TTYH3: variants seen among roughly 807,000 people sequenced by gnomAD.
TTYH3 encodes the protein tweety family member 3, also known as protein tweety homolog 3.
A neutral mutation model predicts 68.2 loss-of-function variants in TTYH3; 23 were observed. The observed-to-expected ratio is 0.34, with a 90% CI of 0.24 to 0.48. TTYH3 has a LOEUF of 0.48. Ranked by LOEUF, TTYH3 falls within the 20% of genes least tolerant of loss-of-function variation. The probability of loss-of-function intolerance (pLI) is 0.99; values close to 1 mark genes in which losing one functional copy is unlikely to be tolerated. For missense variants in TTYH3, 768 were observed against 727.7 expected, an observed-to-expected ratio of 1.06 and a Z score of -0.64; for synonymous variants, 360 against 332.8, an observed-to-expected ratio of 1.08 and a Z score of -0.89.
At position 2,649,612 on chromosome 7, in the gene TTYH3, G is replaced by T. The variant is rs140439727; in HGVS notation, c.768G>T (p.Ala256=). ...TGGCCCTGGTCATCAGCTGGGGCGC[G>T]CTGGGCTTGGAGCTGGCTGTGTCCG... is the stretch of plus-strand genomic sequence containing the variant. ...GVLALVISWG[A]LGLELAVSVG... Residue 256 remains alanine (A), a synonymous_variant, in exon 6 of 14, where the codon GCG becomes GCT. Transcript: ENST00000258796. 1.3e-6 allele frequency: 2 copies of T among 1,598,750 alleles called. No homozygotes were observed. The highest frequency in any genetic ancestry group is 1.3e-5 in the African/African-American group (1 of 74,834).
Position 2,649,430 on chromosome 7 carries a change from G to T in TTYH3, c.723-137G>T, listed in dbSNP as rs544398948. ...CTGTGGGCAGCTCTGGCTGAGGCCA[G>T]GCCACAGGAAGAGCCCCAGCCCATG... On this transcript the variant is annotated intron_variant, in intron 5 of 13. Coordinates refer to ENST00000258796, the MANE Select transcript of TTYH3 (RefSeq NM_025250.3). The T allele has an allele frequency of 3.0e-4, 250 of 835,848 alleles. 1 individual carries two copies. In the East Asian group the frequency reaches 6.5e-3, roughly 22 times the overall value. 51.8% of individuals were successfully genotyped at this position (835,848 alleles called of 1,614,324 possible).
intron 7 of TTYH3, among the ~76,000 whole-genome samples, chr7:2,651,312 C>T (rs558504927): frequency 6.6e-6 from 1 of 152,146 alleles, no homozygotes; most frequent in African/African-American, 2.4e-5. Flanking sequence ...TGGTTTTTTA[C>T]CTGCCTTTGT....
chr7:2,650,466 T>C (rs140672250), intron 7 of TTYH3, among the ~76,000 whole-genome samples: 60 of 152,100 alleles, frequency 3.9e-4, no homozygotes, highest in Non-Finnish European at 7.1e-4. Flanking sequence ...TAATCCCAGC[T>C]ACTCCGGAGA....
intron 1 of TTYH3, among the ~76,000 whole-genome samples, chr7:2,643,357 A>C (rs1468685196): frequency 0.03 from 4,521 of 150,636 alleles, 205 homozygotes; most frequent in African/African-American, 0.1. Flanking sequence ...TCTGTCTCAA[A>C]AAAAAAAAAA....
intron 1 of TTYH3, among the ~76,000 whole-genome samples, chr7:2,635,567 C>G (rs924999216): frequency 6.6e-6 from 1 of 152,158 alleles, no homozygotes; most frequent in East Asian, 1.9e-4. Context: ...CGGTGGGAGC[C>G]CAGTGGTCAG....
At chr7:2,654,971 A>T (rs895921541) in intron 9 of TTYH3, among the ~76,000 whole-genome samples, 11 of 151,950 alleles carry the variant, frequency 7.2e-5, no homozygotes, top group Admixed American at 3.3e-4. Context: ...CACCCGTCCC[A>T]TGGGGCTAGG....
chr7:2,644,971 G>C (rs1475669587), intron 1 of TTYH3, among the ~76,000 whole-genome samples: 1 of 152,254 alleles, frequency 6.6e-6, no homozygotes, highest in African/African-American at 2.4e-5. Context: ...ATCTGCCCCA[G>C]CAGCTCCCAA....
intron 5 of TTYH3, among the ~76,000 whole-genome samples, chr7:2,649,065 C>T (rs368522171): frequency 8.6e-5 from 13 of 151,986 alleles, no homozygotes; most frequent in African/African-American, 3.1e-4. Flanking sequence ...GCACAGGAGG[C>T]CTGTGTATCT....
Position 2,647,444 on chromosome 7 carries a change from C to T in TTYH3, c.432C>T (p.Asn144=), listed in dbSNP as rs1786028429. ...TGTGGGACACGGCGGTGGGGCTGAA[C>T]CACACGGCGGAGCCCAGCCTGCAGA... ...DRVWDTAVGL[N]HTAEPSLQTL... The change falls in exon 4 of 14, where the codon AAC becomes AAT. Residue 144 remains asparagine (N), a synonymous_variant. Coordinates refer to ENST00000258796, the MANE Select transcript of TTYH3 (RefSeq NM_025250.3). 6.5e-7 allele frequency: 1 copy of T among 1,528,072 alleles called. No homozygotes were observed. The highest frequency in any genetic ancestry group is 8.8e-7 in the Non-Finnish European group (1 of 1,141,624). The allele number at this position is 1,528,072 out of a possible 1,614,324, so 94.7% of individuals were successfully genotyped here. A position where few individuals can be genotyped will look rare whatever the true frequency, so the allele number is the denominator to read the frequency against.
intron 1 of TTYH3, among the ~76,000 whole-genome samples, chr7:2,639,478 G>A (rs897085698): frequency 3.9e-5 from 6 of 152,226 alleles, no homozygotes; most frequent in African/African-American, 1.2e-4. Context: ...AGCTCACGGG[G>A]CCAGCACTGT....
chr7:2,639,159 A>G (rs1028095977), intron 1 of TTYH3, among the ~76,000 whole-genome samples: 1 of 152,090 alleles, frequency 6.6e-6, no homozygotes, highest in African/African-American at 2.4e-5. Flanking sequence ...CCAGGGCTGG[A>G]GTTCAGCATC....
In TTYH3 at chr7:2,663,705, C is replaced by G. The variant is rs1385393334; in HGVS notation, c.*1966C>G. 1.3e-5 allele frequency: 2 copies of G among 152,702 alleles called. No homozygotes were observed. The highest frequency in any genetic ancestry group is 2.4e-5 in the African/African-American group (1 of 41,466). 9.5% of individuals were successfully genotyped at this position (152,702 alleles called of 1,614,324 possible). On this transcript the variant is annotated 3_prime_UTR_variant, in exon 14 of 14. Transcript: ENST00000258796. The stretch of plus-strand genomic sequence containing the variant: ...AACGCCCTGCGACCGCTCAGAAGCA[C>G]AAATGCTGTCCATGGCCGTGAGGCT...
intron 1 of TTYH3, among the ~76,000 whole-genome samples, chr7:2,644,767 G>A (rs1054695238): frequency 2.0e-4 from 30 of 152,184 alleles, no homozygotes; most frequent in African/African-American, 6.3e-4. Flanking sequence ...TGGGTGTGCC[G>A]GGCTGGTCAG....
intron 13 of TTYH3, among the ~76,000 whole-genome samples, chr7:2,661,077 G>GT (rs11418184): frequency 1 from 152,292 of 152,294 alleles, 76,145 homozygotes; most frequent in Non-Finnish European, 1. Flanking sequence ...CCCCACGGGA[G>GT]GGGGGGCTGC....
Position 2,645,288 on chromosome 7 carries a change from G to A in TTYH3, c.124-1565G>A, listed in dbSNP as rs1263096203. The stretch of plus-strand genomic sequence containing the variant: ...TGAATCCAGGGACCTGGGGTTGCAG[G>A]GCCTGTGTGCTTTCTCTGTAGCTTC... On this transcript the variant is annotated intron_variant, in intron 1 of 13. Transcript: ENST00000258796. The surrounding 1 kb of genome is among the most constrained non-coding windows in gnomAD (Gnocchi z 4.8). Among the ~76,000 whole-genome samples, 4 of 152,214 alleles carry A rather than the reference G, an allele frequency of 2.6e-5. No individual in the cohort carries two copies. Among genetic ancestry groups the A allele is most frequent in the Non-Finnish European group, 5.9e-5 (4 of 68,040 alleles).
intron 9 of TTYH3, among the ~76,000 whole-genome samples, chr7:2,655,131 C>T (rs978943337): frequency 1.3e-4 from 19 of 151,942 alleles, no homozygotes; most frequent in African/African-American, 2.2e-4. Flanking sequence ...TCTGTTATCC[C>T]GAAATCCATT....
chr7:2,632,057 C>A lies in TTYH3; in HGVS notation c.-99C>A, dbSNP rs993521953. 4 of 1,090,010 alleles carry A rather than the reference C, an allele frequency of 3.7e-6. No homozygotes were observed. The highest frequency in any genetic ancestry group is 4.5e-5 in the South Asian group (1 of 22,260). 67.5% of individuals were successfully genotyped at this position (1,090,010 alleles called of 1,614,324 possible). On this transcript the variant is annotated 5_prime_UTR_variant, in exon 1 of 14. Coordinates refer to ENST00000258796, the MANE Select transcript of TTYH3 (RefSeq NM_025250.3). Reference sequence around the variant, plus strand: ...CCCAGGAGCGCGCGGATGATGCGGGCGGCCAGGCGGGGGTCGACGGGTCCC... The same window carrying A: ...CCCAGGAGCGCGCGGATGATGCGGGAGGCCAGGCGGGGGTCGACGGGTCCC...
intron 5 of TTYH3, 132 bp from the exon 6 acceptor site, chr7:2,649,435 C>T (rs1786098146): frequency 1.1e-6 from 1 of 878,498 alleles, no homozygotes; most frequent in Non-Finnish European, 1.8e-6. Flanking sequence ...GGCCAGGCCA[C>T]AGGAAGAGCC....
intron 9 of TTYH3, among the ~76,000 whole-genome samples, chr7:2,655,365 C>A (rs1313760136): frequency 6.6e-6 from 1 of 152,220 alleles, no homozygotes; most frequent in Non-Finnish European, 1.5e-5. Flanking sequence ...AGGCTGGTCT[C>A]CAACTCTTGG....
Sources: allele counts gnomAD v4.1 joint callset (sites outside exome capture counted in the v4.1 genomes callset), GRCh38; gene constraint gnomAD v4.1.1; non-coding constraint Gnocchi (gnomAD v3.1); transcripts MANE v1.5; gene names NCBI Gene and HGNC (gene_info 2026-07-23, HGNC 2026-07-21).